Variants in ARHGAP26 observed in about 807,000 individuals in gnomAD.
ARHGAP26 encodes the protein Rho GTPase activating protein 26.
Under a neutral mutation model 104.8 loss-of-function variants are expected in ARHGAP26, and 38 were observed. The ratio of observed to expected loss-of-function variants is 0.36; its 90% CI spans 0.28 to 0.48. The LOEUF (loss-of-function observed/expected upper bound fraction) is 0.48, where lower values mean the gene tolerates loss of function less well. Ranked by LOEUF, ARHGAP26 falls within the 20% of genes least tolerant of loss-of-function variation. ARHGAP26 has a pLI of 0.99. For missense variants in ARHGAP26, 704 were observed against 947.9 expected (o/e 0.74, Z 3.38); for synonymous variants, 341 against 340.0 (o/e 1.00, Z -0.03).
chr5:143,125,524 G>A (rs1009929898), intron 18 of ARHGAP26, among the ~76,000 whole-genome samples: 10 of 152,116 alleles, frequency 6.6e-5, no homozygotes, highest in African/African-American at 1.4e-4. Flanking sequence ...CCTCTCTCAC[G>A]GACCTGGGAG....
intron 12 of ARHGAP26, among the ~76,000 whole-genome samples, chr5:143,023,064 C>T (rs1012115330): frequency 5.3e-5 from 8 of 152,192 alleles, no homozygotes; most frequent in African/African-American, 1.4e-4. Flanking sequence ...ACAAGGGTCA[C>T]GCATTTCACT....
chr5:143,168,290 A>T (rs1217945086), intron 20 of ARHGAP26, among the ~76,000 whole-genome samples: 1 of 152,106 alleles, frequency 6.6e-6, no homozygotes, highest in Non-Finnish European at 1.5e-5. Flanking sequence ...GGGGAAGCCT[A>T]GTAATGTTGT....
At chr5:143,110,729 G>A (rs1032283344) in intron 17 of ARHGAP26, among the ~76,000 whole-genome samples, 3 of 152,190 alleles carry the variant, frequency 2.0e-5, no homozygotes, top group Non-Finnish European at 4.4e-5. Flanking sequence ...GAATTGTTAT[G>A]TAATTTAAAA....
intron 11 of ARHGAP26, among the ~76,000 whole-genome samples, chr5:143,008,569 A>G (rs1018740777): frequency 1.3e-5 from 2 of 152,218 alleles, no homozygotes; most frequent in Admixed American, 1.3e-4. Flanking sequence ...TTGGATGTGC[A>G]TTTGGGTAAA....
At position 143,076,099 on chromosome 5, in the gene ARHGAP26, A is replaced by C. The variant is rs1788964743; in HGVS notation, c.1538+18352A>C. Among the ~76,000 whole-genome samples the C allele has an allele frequency of 5.3e-5, 8 of 151,358 alleles. No homozygotes were observed. The South Asian group carries it at 1.7e-3, about 32-fold the overall frequency. On this transcript the variant is annotated intron_variant, in intron 17 of 22. Transcript: ENST00000645722. ...GCTGCAGCCTGGACCTCCTGGGCTA[A>C]GGTGATCCTTACCCTCCCAAGTAAC...
chr5:142,836,640 G>T (rs1048389923), intron 1 of ARHGAP26, among the ~76,000 whole-genome samples: 4 of 152,178 alleles, frequency 2.6e-5, no homozygotes, highest in African/African-American at 9.7e-5. Flanking sequence ...GTAAGGATTG[G>T]AATAGAATTG....
intron 12 of ARHGAP26, 106 bp from the exon 13 acceptor site, chr5:143,037,090 A>T: frequency 1.5e-6 from 1 of 663,868 alleles, no homozygotes; most frequent in South Asian, 2.6e-5. Flanking sequence ...AACTAAAAGG[A>T]TATGTGACCA....
At chr5:142,809,722 C>G (rs143298610) in intron 1 of ARHGAP26, among the ~76,000 whole-genome samples, 1 of 152,196 alleles carries the variant, frequency 6.6e-6, no homozygotes, top group African/African-American at 2.4e-5. Flanking sequence ...CCTGCTGGAG[C>G]CATCCACTCC....
intron 1 of ARHGAP26, among the ~76,000 whole-genome samples, chr5:142,795,601 A>G (rs540501000): frequency 3.9e-5 from 6 of 152,294 alleles, no homozygotes; most frequent in East Asian, 3.9e-4. Flanking sequence ...TAGAATATGT[A>G]CTTGTTTTGC....
intron 19 of ARHGAP26, among the ~76,000 whole-genome samples, chr5:143,135,130 A>AACACAT (rs1417083603): frequency 6.6e-6 from 1 of 152,242 alleles, no homozygotes; most frequent in African/African-American, 2.4e-5. Context: ...ACATTGAGAG[A>AACACAT]GGTAGCAGAA....
chr5:142,887,344 C>A (rs1423120179), intron 5 of ARHGAP26, among the ~76,000 whole-genome samples: 1 of 152,166 alleles, frequency 6.6e-6, no homozygotes, highest in African/African-American at 2.4e-5. Context: ...CTTAGATTCT[C>A]TAAGCTTTAT....
chr5:143,004,163 G>A (rs1036562070), intron 11 of ARHGAP26, among the ~76,000 whole-genome samples: 4 of 152,174 alleles, frequency 2.6e-5, no homozygotes, highest in African/African-American at 9.7e-5. Flanking sequence ...AGGTATGGCT[G>A]CTGGGATTGG....
At position 143,067,985 on chromosome 5, in the gene ARHGAP26, G is replaced by C. The variant is rs1226330357; in HGVS notation, c.1538+10238G>C. On this transcript the variant is annotated intron_variant, in intron 17 of 22. Transcript: ENST00000645722. ...TCGAGACCAGCCTGGCCAACATGGTGAAACCCCATCTCTACTAAAAATACA... is the reference window on the plus strand; with the variant it reads ...TCGAGACCAGCCTGGCCAACATGGTCAAACCCCATCTCTACTAAAAATACA... Among the ~76,000 whole-genome samples, 3 of 152,198 alleles carry C rather than the reference G, an allele frequency of 2.0e-5. No individual in the cohort carries two copies. In the East Asian group the frequency reaches 5.8e-4, roughly 29 times the overall value.
At chr5:142,822,403 C>T (rs1025264536) in intron 1 of ARHGAP26, among the ~76,000 whole-genome samples, 4 of 152,170 alleles carry the variant, frequency 2.6e-5, no homozygotes, top group Admixed American at 1.3e-4. Context: ...GCAGCTCCTC[C>T]AGTTAATGCT....
At chr5:143,035,935 C>CAAAAA (rs10713064) in intron 12 of ARHGAP26, among the ~76,000 whole-genome samples, 3 of 78,088 alleles carry the variant, frequency 3.8e-5, no homozygotes, top group Non-Finnish European at 5.1e-5. Context: ...GACCTTGTCT[C>CAAAAA]AAAAAAAAAA....
Position 142,956,482 on chromosome 5 carries a change from C to T in ARHGAP26, c.1107+24357C>T, listed in dbSNP as rs142404253. Among the ~76,000 whole-genome samples the T allele has an allele frequency of 2.6e-3, 390 of 152,134 alleles. 10 individuals carry two copies. In the East Asian group the frequency reaches 0.042, roughly 17 times the overall value. ...GTCCCAGCTACTCGGGAAGCTGAGG[C>T]GGGAGGATTGCTTGAACCCAGGAGT... On this transcript the variant is annotated intron_variant, in intron 11 of 22. Coordinates refer to ENST00000645722, the MANE Select transcript of ARHGAP26 (RefSeq NM_001135608.3).
At position 143,012,034 on chromosome 5, in the gene ARHGAP26, C is replaced by T. The variant is rs1442724214; in HGVS notation, c.1108-2046C>T. ...TATAGATGAAGAAATTAAAGTTCAG[C>T]AAGATGAAGTTACCAATGGGGAAGC... On this transcript the variant is annotated intron_variant, in intron 11 of 22. Coordinates refer to ENST00000645722, the MANE Select transcript of ARHGAP26 (RefSeq NM_001135608.3). Among the ~76,000 whole-genome samples, 3 of 152,114 alleles carry T rather than the reference C, an allele frequency of 2.0e-5. No individual in the cohort carries two copies. The East Asian group carries it at 5.8e-4, about 29-fold the overall frequency.
At chr5:143,004,017 C>CAAAAAAAAA (rs144058530) in intron 11 of ARHGAP26, among the ~76,000 whole-genome samples, 1 of 118,176 alleles carries the variant, frequency 8.5e-6, no homozygotes, top group African/African-American at 3.7e-5. Flanking sequence ...AATTTATAGA[C>CAAAAAAAAA]AAAAAAAAAA....
intron 1 of ARHGAP26, among the ~76,000 whole-genome samples, chr5:142,872,182 G>C (rs1755415505): frequency 6.6e-6 from 1 of 151,910 alleles, no homozygotes; most frequent in African/African-American, 2.4e-5. Context: ...GCACTGCCAG[G>C]TACACAGAGG....
Sources: allele counts gnomAD v4.1 joint callset (sites outside exome capture counted in the v4.1 genomes callset), GRCh38; gene constraint gnomAD v4.1.1; transcripts MANE v1.5; gene names NCBI Gene and HGNC (gene_info 2026-07-23, HGNC 2026-07-21).